Variants in NRXN2 observed in about 807,000 individuals in gnomAD.
NRXN2 encodes neurexin-2-beta.
A neutral mutation model predicts 128.8 loss-of-function variants in NRXN2; 29 were observed. That is an observed-to-expected ratio of 0.23 (90% CI 0.17 to 0.31). The LOEUF (loss-of-function observed/expected upper bound fraction) is 0.31. NRXN2 is among the 10% of genes least tolerant of loss of function. The pLI is 1.00. For missense variants in NRXN2, 1,881 were observed against 2,452.6 expected, an observed-to-expected ratio of 0.77 and a Z score of 4.92; for synonymous variants, 1,098 against 1,075.2, an observed-to-expected ratio of 1.02 and a Z score of -0.41.
At chr11:64,626,296 G>C (rs1240067230) in intron 20 of NRXN2, among the ~76,000 whole-genome samples, 167 bp downstream of exon 20, 1 of 152,132 alleles carries the variant, frequency 6.6e-6, no homozygotes, top group Non-Finnish European at 1.5e-5. Flanking sequence ...GAAATGCACA[G>C]ACAGACCCTT....
chr11:64,630,195 C>A lies in NRXN2; in HGVS notation c.3757+207G>T, dbSNP rs185449485. Among the ~76,000 whole-genome samples the A allele has an allele frequency of 6.6e-6, 1 of 152,062 alleles. No homozygotes were observed. Among genetic ancestry groups the A allele is most frequent in the South Asian group, 2.1e-4 (1 of 4,830 alleles). On this transcript the variant is annotated intron_variant, in intron 19 of 22. Coordinates refer to ENST00000265459, the MANE Select transcript of NRXN2 (RefSeq NM_015080.4). This position sits in a 1 kb window ranked among gnomAD's most constrained non-coding sequence, Gnocchi z 4.6. ...GGGCGCATTCGCACCACCACGGTCT[C>A]GCCCCGCCGCCACAAATCCCGACTT...
chr11:64,640,094 C>T (rs1381524661), intron 17 of NRXN2, among the ~76,000 whole-genome samples: 1 of 151,966 alleles, frequency 6.6e-6, no homozygotes, highest in Non-Finnish European at 1.5e-5. Flanking sequence ...CCTTCTATCG[C>T]CATCCTGGAG....
chr11:64,657,295 CAG>C (rs1205322452), intron 11 of NRXN2, among the ~76,000 whole-genome samples: 1 of 152,160 alleles, frequency 6.6e-6, no homozygotes. Context: ...CCTTGTGGTT[CAG>C]AGATTCTTTA....
chr11:64,657,889 G>A (rs1039034761), intron 11 of NRXN2, among the ~76,000 whole-genome samples: 2 of 152,234 alleles, frequency 1.3e-5, no homozygotes, highest in African/African-American at 4.8e-5. Flanking sequence ...ACAGCCAGGA[G>A]TAAGAAATGG....
At chr11:64,684,095 C>A (rs1001120357) in intron 6 of NRXN2, among the ~76,000 whole-genome samples, 1 of 152,084 alleles carries the variant, frequency 6.6e-6, no homozygotes, top group African/African-American at 2.4e-5. Context: ...TTTTTTTCCC[C>A]CTCTGTTCCC....
Position 64,713,898 on chromosome 11 carries a change from GC to G in NRXN2, c.-200del. 5.8e-6 allele frequency: 1 copy of G among 172,046 alleles called. No homozygotes were observed. Among genetic ancestry groups the G allele is most frequent in the Non-Finnish European group, 1.2e-5 (1 of 83,652 alleles). 10.7% of individuals were successfully genotyped at this position (172,046 alleles called of 1,614,324 possible). On this transcript the variant is annotated 5_prime_UTR_variant, in exon 2 of 23. Transcript: ENST00000265459. ...GCTTCCCTCAGGCGGCGGCGGCGGC[GC>G]CCCTCCCCCGCCGCGGGCTCCGACA...
chr11:64,618,675 T>C (rs925131292), intron 22 of NRXN2, among the ~76,000 whole-genome samples: 1 of 152,128 alleles, frequency 6.6e-6, no homozygotes, highest in African/African-American at 2.4e-5. Context: ...GGAGTGTACA[T>C]CCTTGAGCCA....
intron 11 of NRXN2, among the ~76,000 whole-genome samples, chr11:64,657,953 T>A (rs545120690): frequency 6.6e-6 from 1 of 152,288 alleles, no homozygotes; most frequent in East Asian, 1.9e-4. Flanking sequence ...CTTAACATGA[T>A]GTGTCTTCCA....
intron 1 of NRXN2, among the ~76,000 whole-genome samples, chr11:64,715,692 A>G (rs1432214634): frequency 6.6e-6 from 1 of 151,994 alleles, no homozygotes; most frequent in African/African-American, 2.4e-5. Context: ...CAATCCTACA[A>G]GGCTCCAATG....
intron 2 of NRXN2, among the ~76,000 whole-genome samples, chr11:64,704,478 C>T (rs150204850): frequency 1.1e-3 from 166 of 151,556 alleles, no homozygotes; most frequent in Non-Finnish European, 2.0e-3. Flanking sequence ...TCTACAAAAA[C>T]GAAAAAAAAG....
At chr11:64,612,440 C>T (rs2040816830) in intron 22 of NRXN2, among the ~76,000 whole-genome samples, 1 of 152,206 alleles carries the variant, frequency 6.6e-6, no homozygotes, top group Admixed American at 6.5e-5. Flanking sequence ...CAGGTGCACA[C>T]TTAGCACAGA....
In NRXN2 at chr11:64,667,319, G is replaced by A. The variant is rs752810328; in HGVS notation, c.1729C>T (p.Arg577Trp). The A allele has an allele frequency of 1.1e-5, 18 of 1,614,108 alleles. No homozygotes were observed. The highest frequency in any genetic ancestry group is 5.0e-5 in the Admixed American group (3 of 60,010). Reference sequence around the variant, plus strand: ...TCATTGACCTTGCGGCTGGATGCCCGCAGCTTGATGCCCCCAGATCCCATG... The same window carrying A: ...TCATTGACCTTGCGGCTGGATGCCCACAGCTTGATGCCCCCAGATCCCATG... Reference protein sequence around the residue: ...LDMGSGGIKLRASSRKVNDGE... With the variant: ...LDMGSGGIKLWASSRKVNDGE... The change falls in exon 9 of 23, where the codon CGG becomes TGG. Residue 577 changes from arginine to tryptophan, a missense_variant. By Grantham distance (101) the Arg-to-Trp change is moderately radical. Coordinates refer to ENST00000265459, the MANE Select transcript of NRXN2 (RefSeq NM_015080.4). This position sits in a 1 kb window ranked among gnomAD's most constrained non-coding sequence, Gnocchi z 5.6.
At chr11:64,674,180 C>T (rs1480929660) in intron 7 of NRXN2, among the ~76,000 whole-genome samples, 1 of 151,660 alleles carries the variant, frequency 6.6e-6, no homozygotes, top group African/African-American at 2.4e-5. Flanking sequence ...TTGGCTTCTT[C>T]CTTTTTTTGT....
chr11:64,631,672 T>A lies in NRXN2; in HGVS notation c.3586-1099A>T, dbSNP rs1484145056. Among the ~76,000 whole-genome samples, 1 of 152,058 alleles carries A rather than the reference T, an allele frequency of 6.6e-6. No homozygotes were observed. The highest frequency in any genetic ancestry group is 1.5e-5 in the Non-Finnish European group (1 of 67,996). On this transcript the variant is annotated intron_variant, in intron 18 of 22. Coordinates refer to ENST00000265459, the MANE Select transcript of NRXN2 (RefSeq NM_015080.4). This position sits in a 1 kb window ranked among gnomAD's most constrained non-coding sequence, Gnocchi z 4.8. ...AGCCCCAGATTTGAACCCCAGCTAG[T>A]CTGACTTCAAAGCCAGTGTTCTCTC...
At position 64,685,651 on chromosome 11, in the gene NRXN2, G is replaced by A. The variant is rs1565405690; in HGVS notation, c.1147C>T (p.Arg383Cys). Residue 383 changes from arginine to cysteine, a missense_variant, in exon 6 of 23, where the codon CGC becomes TGC. Around this residue, in one of 7 missense-constraint regions of NRXN2, gnomAD observed 997 missense variants for 1,240.8 expected, o/e 0.80. Coordinates refer to ENST00000265459, the MANE Select transcript of NRXN2 (RefSeq NM_015080.4). ...WHDVRVTRNL[R>C]QHAGIGHAMV... ...CTTCTTCTCACTCCTCCTACCTGGC[G>A]CAGGTTTCGGGTGACCCGGACGTCG... The A allele has an allele frequency of 1.2e-6, 2 of 1,614,140 alleles. No individual in the cohort carries two copies. Among genetic ancestry groups the A allele is most frequent in the South Asian group, 1.1e-5 (1 of 91,078 alleles).
intron 3 of NRXN2, among the ~76,000 whole-genome samples, 169 bp from the exon 4 acceptor site, chr11:64,693,045 TC>T (rs1028249033): frequency 6.6e-6 from 1 of 152,016 alleles, no homozygotes; most frequent in African/African-American, 2.4e-5. Context: ...GTGACAGACA[TC>T]GGGGGGAGCC....
At chr11:64,705,410 C>A (rs1202455877) in intron 2 of NRXN2, among the ~76,000 whole-genome samples, 1 of 152,048 alleles carries the variant, frequency 6.6e-6, no homozygotes. Flanking sequence ...TCGAAGACAC[C>A]CAGCAAATGC....
Position 64,688,490 on chromosome 11 carries a change from A to G in NRXN2, c.850+1915T>C, listed in dbSNP as rs904928130. 1.0e-5 allele frequency: 10 copies of G among 985,248 alleles called. No individual in the cohort carries two copies. In the African/African-American group the frequency reaches 1.7e-4, roughly 17 times the overall value. 61.0% of individuals were successfully genotyped at this position (985,248 alleles called of 1,614,324 possible). ...TTCAAGGGACTGGTGGAGGGATTCTACTGGGGTGAGCCTGTAGGGGCGGCG... is the reference window on the plus strand; with the variant it reads ...TTCAAGGGACTGGTGGAGGGATTCTGCTGGGGTGAGCCTGTAGGGGCGGCG... On this transcript the variant is annotated intron_variant, in intron 5 of 22. Transcript: ENST00000265459.
At chr11:64,662,952 G>A (rs1204763250) in intron 9 of NRXN2, among the ~76,000 whole-genome samples, 1 of 152,126 alleles carries the variant, frequency 6.6e-6, no homozygotes, top group African/African-American at 2.4e-5. Context: ...CATGAGGCCT[G>A]AATTTGGCAG....
Sources: allele counts gnomAD v4.1 joint callset (sites outside exome capture counted in the v4.1 genomes callset), GRCh38; gene constraint gnomAD v4.1.1; regional missense constraint gnomAD v4.1.1; non-coding constraint Gnocchi (gnomAD v3.1); transcripts MANE v1.5; gene names NCBI Gene and HGNC (gene_info 2026-07-23, HGNC 2026-07-21).